The following COL4A3 variants were observed in gnomAD, a reference collection of about 807,000 sequenced individuals.
COL4A3 encodes the protein collagen alpha-3(IV) chain.
COL4A3 carries 135 observed loss-of-function variants against 217.4 expected under a neutral mutation model. That is an observed-to-expected ratio of 0.62 (90% CI 0.54 to 0.72). The LOEUF (loss-of-function observed/expected upper bound fraction) is 0.72, where lower values mean the gene tolerates loss of function less well. COL4A3 is among the 30% of genes least tolerant of loss of function. The probability of loss-of-function intolerance (pLI) is 0.00; values close to 1 mark genes in which losing one functional copy is unlikely to be tolerated. For missense variants in COL4A3, 1,868 were observed against 2,119.9 expected (o/e 0.88, Z 2.33); for synonymous variants, 690 against 736.3 (o/e 0.94, Z 1.02).
At position 227,263,940 on chromosome 2, in the gene COL4A3, G is replaced by C. The variant is rs369557944; in HGVS notation, c.1311G>C (p.Pro437=). 4 of 1,613,856 alleles carry C rather than the reference G, an allele frequency of 2.5e-6. No individual in the cohort carries two copies. The African/African-American group carries it at 5.3e-5, about 22-fold the overall frequency. ...CAGGATCACCGGGACCTCCAGGACCGCCAGGTAAAGATGTGGAAGGGGACC... is the reference window on the plus strand; with the variant it reads ...CAGGATCACCGGGACCTCCAGGACCCCCAGGTAAAGATGTGGAAGGGGACC... ...GLPGSPGPPG[P]PGDIVFRKGP... is the part of the protein sequence containing the mutation. Residue 437 remains proline (P), a synonymous_variant, in exon 21 of 52, where the codon CCG becomes CCC. Transcript: ENST00000396578.
In COL4A3 at chr2:227,274,671, A is replaced by G. The variant is rs201014431; in HGVS notation, c.1927+1554A>G. ...CTGCCACCATGCCAGGCGAATTTTTATATTTTTAGTAGAGATGGGGTTTCA... is the reference window on the plus strand; with the variant it reads ...CTGCCACCATGCCAGGCGAATTTTTGTATTTTTAGTAGAGATGGGGTTTCA... On this transcript the variant is annotated intron_variant, in intron 26 of 51. Transcript: ENST00000396578. Among the ~76,000 whole-genome samples the G allele has an allele frequency of 2.1e-4, 32 of 151,946 alleles. No homozygotes were observed. In the East Asian group the frequency reaches 5.4e-3, roughly 26 times the overall value.
At chr2:227,256,171 G>T in intron 16 of COL4A3, 101 bp downstream of exon 16, 1 of 1,315,602 alleles carries the variant, frequency 7.6e-7, no homozygotes, top group Non-Finnish European at 1.1e-6. Context: ...CAAACAAAAA[G>T]CTTACAGCTT....
At chr2:227,175,709 G>A (rs2065653072) in intron 1 of COL4A3, among the ~76,000 whole-genome samples, 1 of 152,134 alleles carries the variant, frequency 6.6e-6, no homozygotes, top group Admixed American at 6.5e-5. Context: ...TGGATAAATA[G>A]GGTGCAATAA....
intron 9 of COL4A3, among the ~76,000 whole-genome samples, chr2:227,248,861 G>A (rs1420000688): frequency 1.3e-5 from 2 of 151,986 alleles, no homozygotes; most frequent in East Asian, 1.9e-4. Flanking sequence ...GGGTAGCTTT[G>A]TATCACACAT....
At chr2:227,219,837 C>T (rs1221773865) in intron 1 of COL4A3, among the ~76,000 whole-genome samples, 1 of 152,096 alleles carries the variant, frequency 6.6e-6, no homozygotes. Context: ...TTTACTTTTT[C>T]ATATAGTCAG....
At chr2:227,189,075 G>A (rs1396391163) in intron 1 of COL4A3, among the ~76,000 whole-genome samples, 1 of 152,184 alleles carries the variant, frequency 6.6e-6, no homozygotes, top group East Asian at 1.9e-4. Context: ...GCCCATGTTG[G>A]CTTGGGATTC....
chr2:227,267,105 T>C lies in COL4A3; in HGVS notation c.1504+17T>C. On this transcript the variant is annotated intron_variant, in intron 23 of 51. Transcript: ENST00000396578. ...GAATCCCAGGTACAAACAATTTGCA[T>C]GCAAGTGTTTTTGCAAGCACAAAAG... 9 of 1,591,898 alleles carry C rather than the reference T, an allele frequency of 5.7e-6. No homozygotes were observed. Among genetic ancestry groups the C allele is most frequent in the Non-Finnish European group, 6.9e-6 (8 of 1,159,946 alleles).
At chr2:227,209,491 GC>G (rs2067232961) in intron 1 of COL4A3, among the ~76,000 whole-genome samples, 1 of 152,192 alleles carries the variant, frequency 6.6e-6, no homozygotes, top group African/African-American at 2.4e-5. Context: ...CTTCTGTGAA[GC>G]CTCTGTGTCC....
rs989059864 is a variant in COL4A3, at chr2:227,250,945, G to A, written c.547-195G>A. Among the ~76,000 whole-genome samples the A allele has an allele frequency of 3.3e-5, 5 of 152,200 alleles. No individual in the cohort carries two copies. Among genetic ancestry groups the A allele is most frequent in the Admixed American group, 2.6e-4 (4 of 15,282 alleles). On this transcript the variant is annotated intron_variant, in intron 9 of 51. Coordinates refer to ENST00000396578, the MANE Select transcript of COL4A3 (RefSeq NM_000091.5). The surrounding 1 kb of genome is among the most constrained non-coding windows in gnomAD (Gnocchi z 4.1). ...CTTTGGTCATTTTAGAAATGTTATC[G>A]TCCAGTTGGTCCTGCCAGCCTGTTA... is the stretch of plus-strand genomic sequence containing the variant.
chr2:227,270,162 G>T (rs2071155412), intron 24 of COL4A3, among the ~76,000 whole-genome samples, 182 bp downstream of exon 24: 1 of 152,212 alleles, frequency 6.6e-6, no homozygotes, highest in South Asian at 2.1e-4. Flanking sequence ...TTTATAAACA[G>T]TTTGAAATGG....
At chr2:227,305,109 C>A in intron 47 of COL4A3, 26 bp downstream of exon 47, 1 of 1,593,204 alleles carries the variant, frequency 6.3e-7, no homozygotes, top group Non-Finnish European at 8.6e-7. Flanking sequence ...GTTTCCTCAC[C>A]GAAGAAGTGC....
intron 51 of COL4A3, 116 bp from the exon 52 acceptor site, chr2:227,311,670 G>T: frequency 1.0e-6 from 1 of 1,004,386 alleles, no homozygotes. Flanking sequence ...GAGCCACCAC[G>T]CCCGACCCTG....
chr2:227,280,529 A>ACTCCCTGGACTTCCAGGT lies in COL4A3; in HGVS notation c.2323_2340dup (p.Leu775_Gly780dup), dbSNP rs1306992119. 1 of 1,614,040 alleles carries ACTCCCTGGACTTCCAGGT rather than the reference A, an allele frequency of 6.2e-7. No individual in the cohort carries two copies. Among genetic ancestry groups the ACTCCCTGGACTTCCAGGT allele is most frequent in the East Asian group, 2.2e-5 (1 of 44,874 alleles). On this transcript the variant is annotated inframe_insertion, in exon 30 of 52. Coordinates refer to ENST00000396578, the MANE Select transcript of COL4A3 (RefSeq NM_000091.5). ...ATTCTGGGGAACATGGAGAAATTGG[A>ACTCCCTGGACTTCCAGGT]CTCCCTGGACTTCCAGGTCTCCCTG...
At chr2:227,247,921 G>A (rs538524089) in intron 8 of COL4A3, among the ~76,000 whole-genome samples, 1 of 152,144 alleles carries the variant, frequency 6.6e-6, no homozygotes, top group African/African-American at 2.4e-5. Flanking sequence ...TTACCCCTGC[G>A]TCTTTCTTCT....
intron 51 of COL4A3, 129 bp from the exon 52 acceptor site, chr2:227,311,657 C>T (rs570004561): frequency 1.5e-5 from 12 of 816,882 alleles, no homozygotes; most frequent in Admixed American, 4.7e-5. Flanking sequence ...GGATTACAGG[C>T]GTGAGCCACC....
Position 227,314,225 on chromosome 2 carries a change from T to C in COL4A3, c.*2355T>C, listed in dbSNP as rs2073831646. On this transcript the variant is annotated 3_prime_UTR_variant, in exon 52 of 52. Transcript: ENST00000396578. ...CAGGCCTCCATCTTCTCATGCCCTCTTACCAGTATTTAACTTCTGAGGAAG... is the reference window on the plus strand; with the variant it reads ...CAGGCCTCCATCTTCTCATGCCCTCCTACCAGTATTTAACTTCTGAGGAAG... 1 of 152,636 alleles carries C rather than the reference T, an allele frequency of 6.6e-6. No homozygotes were observed. The highest frequency in any genetic ancestry group is 2.1e-4 in the South Asian group (1 of 4,834). 9.5% of individuals were successfully genotyped at this position (152,636 alleles called of 1,614,324 possible). A position where few individuals can be genotyped will look rare whatever the true frequency, so the allele number is the denominator to read the frequency against.
chr2:227,240,261 C>A, intron 3 of COL4A3, 29 bp downstream of exon 3: 1 of 1,580,158 alleles, frequency 6.3e-7, no homozygotes, highest in Non-Finnish European at 8.6e-7. Flanking sequence ...TTGGAAAATC[C>A]CCAACCCACC....
chr2:227,277,547 C>T lies in COL4A3; in HGVS notation c.2119C>T (p.Pro707Ser), dbSNP rs368429205. The change falls in exon 28 of 52, where the codon CCT (proline) becomes TCT (serine). Residue 707 changes from proline (P) to serine (S), a missense_variant. By Grantham distance (74) the Pro-to-Ser change is moderately conservative. Around this residue, in one of 2 missense-constraint regions of COL4A3, gnomAD observed 1,503 missense variants for 1,786.1 expected, o/e 0.84. Coordinates refer to ENST00000396578, the MANE Select transcript of COL4A3 (RefSeq NM_000091.5). ...PGIGFPGPPG[P>S]KGDQGFPGTK... ...AATTGGATTTCCTGGGCCTCCTGGACCTAAGGGTAAATTTAAAATTTTTTC... is the reference window on the plus strand; with the variant it reads ...AATTGGATTTCCTGGGCCTCCTGGATCTAAGGGTAAATTTAAAATTTTTTC... 1 of 1,602,550 alleles carries T rather than the reference C, an allele frequency of 6.2e-7. No individual in the cohort carries two copies. The highest frequency in any genetic ancestry group is 1.7e-4 in the Middle Eastern group (1 of 6,044).
intron 42 of COL4A3, among the ~76,000 whole-genome samples, chr2:227,298,432 G>C (rs2073130446): frequency 6.6e-6 from 1 of 152,186 alleles, no homozygotes; most frequent in Non-Finnish European, 1.5e-5. Flanking sequence ...CTAGGCTCTA[G>C]GGAAGCAGGC....
Sources: allele counts gnomAD v4.1 joint callset (sites outside exome capture counted in the v4.1 genomes callset), GRCh38; gene constraint gnomAD v4.1.1; regional missense constraint gnomAD v4.1.1; non-coding constraint Gnocchi (gnomAD v3.1); transcripts MANE v1.5; gene names NCBI Gene and HGNC (gene_info 2026-07-23, HGNC 2026-07-21).